SLC43A2: variants seen among roughly 807,000 people sequenced by gnomAD.
The protein encoded by SLC43A2 is large neutral amino acids transporter small subunit 4.
In SLC43A2, 38 loss-of-function variants were observed where a neutral mutation model predicts 63.2. That is an observed-to-expected ratio of 0.60 (90% CI 0.46 to 0.79). The LOEUF (loss-of-function observed/expected upper bound fraction) is 0.79. Ranked by LOEUF, SLC43A2 falls within the 30% of genes least tolerant of loss-of-function variation. The pLI is 0.00. For synonymous variants in SLC43A2, 322 were observed against 331.0 expected (o/e 0.97, Z 0.30); for missense variants, 644 against 756.2 (o/e 0.85, Z 1.74).
chr17:1,594,790 A>C (rs183041530), intron 5 of SLC43A2, among the ~76,000 whole-genome samples: 5 of 150,940 alleles, frequency 3.3e-5, no homozygotes, highest in Non-Finnish European at 7.4e-5. Flanking sequence ...GGGTTTCACC[A>C]CGTTAGCCAG....
At chr17:1,590,286 A>T (rs988958301) in intron 9 of SLC43A2, among the ~76,000 whole-genome samples, 1 of 151,114 alleles carries the variant, frequency 6.6e-6, no homozygotes, top group African/African-American at 2.4e-5. Context: ...ACAAGCCTCA[A>T]CTGTTCGCAA....
intron 4 of SLC43A2, among the ~76,000 whole-genome samples, chr17:1,614,411 T>TAAAAC (rs71375517): frequency 0.16 from 24,271 of 150,180 alleles, 2,705 homozygotes; most frequent in East Asian, 0.4. Flanking sequence ...ACCCTGTCTC[T>TAAAAC]AAAACAAAAC....
rs762945382 is a variant in SLC43A2 at position 1,613,264 on chromosome 17, G to A, written c.432C>T (p.Ser144=). 9 of 1,613,976 alleles carry A rather than the reference G, an allele frequency of 5.6e-6. No individual in the cohort carries two copies. The highest frequency in any genetic ancestry group is 2.2e-5 in the South Asian group (2 of 91,084). Residue 144 remains serine (S), a synonymous_variant, in exon 5 of 14, where the codon TCC becomes TCT. Transcript: ENST00000301335. ...AYGASKPNAL[S]VLIFIALALN... Reference sequence around the variant, plus strand: ...GAGCCAGGGCGATGAAGATGAGCACGGAGAGAGCTGCAGGGACATGGAAAG... The same window carrying A: ...GAGCCAGGGCGATGAAGATGAGCACAGAGAGAGCTGCAGGGACATGGAAAG...
At chr17:1,612,360 G>C (rs1035277859) in intron 5 of SLC43A2, among the ~76,000 whole-genome samples, 2 of 152,166 alleles carry the variant, frequency 1.3e-5, no homozygotes, top group African/African-American at 2.4e-5. Flanking sequence ...TCCCAACAAG[G>C]GGGTGCTTAG....
intron 5 of SLC43A2, among the ~76,000 whole-genome samples, chr17:1,594,181 G>A (rs1447765809): frequency 1.3e-5 from 2 of 152,230 alleles, no homozygotes; most frequent in Middle Eastern, 3.4e-3. Flanking sequence ...AGGATGTTCG[G>A]CCCGAGCAGT....
intron 6 of SLC43A2, 25 bp from the exon 7 acceptor site, chr17:1,591,724 T>TGGG (rs552449883): frequency 3.4e-4 from 74 of 220,178 alleles, no homozygotes; most frequent in Middle Eastern, 1.2e-3. Context: ...GGGGACGGGG[T>TGGG]GGGGGGGGGA....
At chr17:1,592,680 A>G (rs1057377851) in intron 6 of SLC43A2, among the ~76,000 whole-genome samples, 34 of 152,184 alleles carry the variant, frequency 2.2e-4, no homozygotes, top group Non-Finnish European at 4.7e-4. Context: ...GCAGACCCAC[A>G]GGGTCTGGGG....
chr17:1,611,242 C>T (rs1469204548), intron 5 of SLC43A2, among the ~76,000 whole-genome samples: 1 of 152,176 alleles, frequency 6.6e-6, no homozygotes, highest in Non-Finnish European at 1.5e-5. Context: ...CCATCTCGTT[C>T]CTTTATCCCT....
intron 2 of SLC43A2, among the ~76,000 whole-genome samples, chr17:1,621,075 G>T (rs943072170): frequency 2.3e-4 from 35 of 152,186 alleles, no homozygotes; most frequent in African/African-American, 7.5e-4. Flanking sequence ...TGTGGCCAGT[G>T]AGTGCCAAGA....
chr17:1,589,898 C>T (rs1240797761), intron 9 of SLC43A2, among the ~76,000 whole-genome samples: 3 of 152,210 alleles, frequency 2.0e-5, no homozygotes, highest in Admixed American at 6.5e-5. Context: ...GGATTACAGG[C>T]GTGAGCCACC....
intron 9 of SLC43A2, among the ~76,000 whole-genome samples, chr17:1,588,049 T>G (rs1397184242): frequency 2.6e-5 from 4 of 152,240 alleles, no homozygotes. Context: ...AGTGCCCACT[T>G]TGGCTGGGAC....
At chr17:1,586,684 C>T (rs2076107186) in intron 9 of SLC43A2, among the ~76,000 whole-genome samples, 1 of 151,988 alleles carries the variant, frequency 6.6e-6, no homozygotes, top group African/African-American at 2.4e-5. Context: ...CAGAGCAAGA[C>T]TCCATCTCAA....
At chr17:1,626,059 C>T (rs773856325) in intron 2 of SLC43A2, among the ~76,000 whole-genome samples, 5 of 151,176 alleles carry the variant, frequency 3.3e-5, no homozygotes, top group South Asian at 2.1e-4. Flanking sequence ...TCTGACCTTC[C>T]GACATCATGG....
Position 1,591,699 on chromosome 17 carries a change from G to A in SLC43A2, c.595C>T (p.Leu199Phe), listed in dbSNP as rs1904808329. The change falls in exon 7 of 14, where the codon CTC (leucine) becomes TTC (phenylalanine). Residue 199 changes from leucine to phenylalanine, a missense_variant and splice_region_variant. Leu to Phe is a conservative substitution (Grantham distance 22). Coordinates refer to ENST00000301335, the MANE Select transcript of SLC43A2 (RefSeq NM_152346.3). ...AAGGAGACACCAGCATCATAGATGAGCTGACAGGCACCGCGGGGACGGGGT... is the reference window on the plus strand; with the variant it reads ...AAGGAGACACCAGCATCATAGATGAACTGACAGGCACCGCGGGGACGGGGT... The part of the protein sequence containing the change: ...SSAVTFPGIK[L>F]IYDAGVSFIV... The A allele has an allele frequency of 8.4e-7, 1 of 1,197,364 alleles. No homozygotes were observed. The highest frequency in any genetic ancestry group is 1.6e-5 in the African/African-American group (1 of 62,088). The allele number at this position is 1,197,364 out of a possible 1,614,324, so 74.2% of individuals were successfully genotyped here. A position where few individuals can be genotyped will look rare whatever the true frequency, so the allele number is the denominator to read the frequency against.
chr17:1,603,510 C>A (rs574400741), intron 5 of SLC43A2, among the ~76,000 whole-genome samples: 1 of 151,998 alleles, frequency 6.6e-6, no homozygotes, highest in African/African-American at 2.4e-5. Flanking sequence ...TGAGGCCGGG[C>A]GCGGTGGCTC....
chr17:1,603,620 C>T (rs1463387397), intron 5 of SLC43A2, among the ~76,000 whole-genome samples: 3 of 151,998 alleles, frequency 2.0e-5, no homozygotes, highest in African/African-American at 7.3e-5. Flanking sequence ...CCCATCTCTA[C>T]TAAAAATACA....
rs549037638 is a variant in SLC43A2 at position 1,588,720 on chromosome 17, A to T, written c.1078+2082T>A. On this transcript the variant is annotated intron_variant, in intron 9 of 13. Transcript: ENST00000301335. ...CTCAAAAAAAAAAAAAAAAAAAAAAAGGCGGCCTTTTCCCAGCTGCCAGCA... is the reference window on the plus strand; with the variant it reads ...CTCAAAAAAAAAAAAAAAAAAAAAATGGCGGCCTTTTCCCAGCTGCCAGCA... Among the ~76,000 whole-genome samples the T allele has an allele frequency of 3.5e-4, 47 of 132,402 alleles. 3 individuals carry two copies. In the South Asian group the frequency reaches 0.011, roughly 32 times the overall value. The allele number at this position is 132,402 out of a possible 152,430, so 86.9% of individuals were successfully genotyped here.
chr17:1,601,011 G>C (rs997694012), intron 5 of SLC43A2, among the ~76,000 whole-genome samples: 1 of 151,996 alleles, frequency 6.6e-6, no homozygotes, highest in Non-Finnish European at 1.5e-5. Context: ...CATATTTGCT[G>C]CCTCCATAGG....
At chr17:1,613,319 A>G (rs779328246) in intron 4 of SLC43A2, 48 bp from the exon 5 acceptor site, 8 of 1,590,716 alleles carry the variant, frequency 5.0e-6, no homozygotes, top group Non-Finnish European at 6.9e-6. Flanking sequence ...GCTGAGCTCC[A>G]GGGAAGCCGG....
Sources: allele counts gnomAD v4.1 joint callset (sites outside exome capture counted in the v4.1 genomes callset), GRCh38; gene constraint gnomAD v4.1.1; transcripts MANE v1.5; gene names NCBI Gene and HGNC (gene_info 2026-07-23, HGNC 2026-07-21).